STAT4: variants seen among roughly 807,000 people sequenced by gnomAD.
STAT4 encodes the protein signal transducer and activator of transcription 4.
Under a neutral mutation model 110.5 loss-of-function variants are expected in STAT4, and 42 were observed. That is an observed-to-expected ratio of 0.38 (90% CI 0.30 to 0.49). The LOEUF (loss-of-function observed/expected upper bound fraction) is 0.49. STAT4 is among the 20% of genes least tolerant of loss of function. The pLI is 0.95. For synonymous variants in STAT4, 284 were observed against 302.2 expected (o/e 0.94, Z 0.63); for missense variants, 632 against 887.9 (o/e 0.71, Z 3.66).
At position 191,056,972 on chromosome 2, in the gene STAT4, G is replaced by A. The variant is rs950152023; in HGVS notation, c.1206+1046C>T. The stretch of plus-strand genomic sequence containing the variant: ...TACTATTTGTATTTTTAGTAGAGAC[G>A]AGGTTTCACCATGTTGGCCAGGCTG... On this transcript the variant is annotated intron_variant, in intron 13 of 23. Coordinates refer to ENST00000392320, the MANE Select transcript of STAT4 (RefSeq NM_003151.4). Among the ~76,000 whole-genome samples, 3 of 151,922 alleles carry A rather than the reference G, an allele frequency of 2.0e-5. No homozygotes were observed. The East Asian group carries it at 5.8e-4, about 29-fold the overall frequency.
At chr2:191,131,305 A>G (rs1329906918) in intron 3 of STAT4, among the ~76,000 whole-genome samples, 3 of 151,864 alleles carry the variant, frequency 2.0e-5, no homozygotes, top group Non-Finnish European at 2.9e-5. Context: ...AAAGAAATAC[A>G]GGAAATAACG....
chr2:191,054,891 C>T (rs1295506512), intron 13 of STAT4, among the ~76,000 whole-genome samples: 1 of 152,066 alleles, frequency 6.6e-6, no homozygotes, highest in Non-Finnish European at 1.5e-5. Context: ...ATTCCCAATC[C>T]CTGAGAAACC....
Position 191,057,931 on chromosome 2 carries a change from C to A in STAT4, c.1206+87G>T, listed in dbSNP as rs990224182. ...ATTTCAAATAAGAAATATTTAAGCA[C>A]AAAACATACTGAATTATAAGGCGTA... On this transcript the variant is annotated intron_variant, in intron 13 of 23. Transcript: ENST00000392320. The A allele has an allele frequency of 9.3e-6, 11 of 1,188,230 alleles. No individual in the cohort carries two copies. In the Admixed American group the frequency reaches 2.1e-4, roughly 23 times the overall value. The allele number at this position is 1,188,230 out of a possible 1,614,324, so 73.6% of individuals were successfully genotyped here.
chr2:191,044,490 T>C (rs1696291467), intron 14 of STAT4, among the ~76,000 whole-genome samples: 2 of 152,172 alleles, frequency 1.3e-5, no homozygotes, highest in African/African-American at 4.8e-5. Context: ...CTCTGGAAAT[T>C]TGGCTCCCTA....
rs1166943093 is a variant in STAT4 at position 191,142,599 on chromosome 2, G to C, written c.273+4014C>G. 1.3e-5 allele frequency among the ~76,000 whole-genome samples: 2 copies of C among 152,150 alleles called. No homozygotes were observed. The highest frequency in any genetic ancestry group is 2.9e-5 in the Non-Finnish European group (2 of 68,024). ...AATGTATATTTCAGAGTAGCTAGAA[G>C]AATGGGTTTGAAATGTTTCCAACAT... On this transcript the variant is annotated intron_variant, in intron 3 of 23. Coordinates refer to ENST00000392320, the MANE Select transcript of STAT4 (RefSeq NM_003151.4). The surrounding 1 kb of genome is among the most constrained non-coding windows in gnomAD (Gnocchi z 4.1).
intron 4 of STAT4, among the ~76,000 whole-genome samples, chr2:191,073,831 G>A (rs1332399668): frequency 6.6e-6 from 1 of 152,126 alleles, no homozygotes; most frequent in Non-Finnish European, 1.5e-5. Flanking sequence ...GTAAACTCAA[G>A]TACATGTGAC....
At position 191,042,996 on chromosome 2, in the gene STAT4, C is replaced by A. The variant is rs1342073688; in HGVS notation, c.1252-1848G>T. On this transcript the variant is annotated intron_variant, in intron 14 of 23. Coordinates refer to ENST00000392320, the MANE Select transcript of STAT4 (RefSeq NM_003151.4). The surrounding 1 kb of genome is among the most constrained non-coding windows in gnomAD (Gnocchi z 4.2). ...GTTTCTCCATGTTGGTCAAGCTGGG[C>A]TCGAACTCCCGACCTCAGGTGATCC... 1.3e-5 allele frequency among the ~76,000 whole-genome samples: 2 copies of A among 152,186 alleles called. No homozygotes were observed. Among genetic ancestry groups the A allele is most frequent in the Non-Finnish European group, 2.9e-5 (2 of 68,040 alleles).
Position 191,053,505 on chromosome 2 carries a change from T to A in STAT4, c.1251+985A>T, listed in dbSNP as rs1696590972. Among the ~76,000 whole-genome samples the A allele has an allele frequency of 6.6e-6, 1 of 152,212 alleles. No individual in the cohort carries two copies. The highest frequency in any genetic ancestry group is 1.5e-5 in the Non-Finnish European group (1 of 68,038). On this transcript the variant is annotated intron_variant, in intron 14 of 23. Coordinates refer to ENST00000392320, the MANE Select transcript of STAT4 (RefSeq NM_003151.4). The surrounding 1 kb of genome is among the most constrained non-coding windows in gnomAD (Gnocchi z 4.5). ...TCAATAGATGTTCTCCAAGGTCATGTCCAGTTCATGATTTGACTACTCTAT... is the reference window on the plus strand; with the variant it reads ...TCAATAGATGTTCTCCAAGGTCATGACCAGTTCATGATTTGACTACTCTAT...
intron 3 of STAT4, among the ~76,000 whole-genome samples, chr2:191,137,030 A>T (rs74607674): frequency 0.56 from 85,113 of 151,386 alleles, 24,778 homozygotes; most frequent in Admixed American, 0.64. Flanking sequence ...AAGGAAAACT[A>T]CAAAACACTG....
intron 16 of STAT4, among the ~76,000 whole-genome samples, chr2:191,038,188 CA>C (rs1193683892): frequency 3.6e-5 from 4 of 112,130 alleles, no homozygotes; most frequent in African/African-American, 1.4e-4. Flanking sequence ...CATTTAATCT[CA>C]GGGGCATTGG....
In STAT4 at chr2:191,041,065, C is replaced by A; in HGVS notation, c.1335G>T (p.Glu445Asp). ...TAGTGTATGTTCTTGAAACACCTACCTCCAAATCTATGGTCAGGCCATAGA... is the reference window on the plus strand; with the variant it reads ...TAGTGTATGTTCTTGAAACACCTACATCCAAATCTATGGTCAGGCCATAGA... ...ICLYGLTIDL[E>D]TSSLPVVMIS... The change falls in exon 15 of 24, where the codon GAG becomes GAT. Residue 445 changes from glutamate to aspartate, a missense_variant and splice_region_variant. Glu to Asp is a conservative substitution (Grantham distance 45). Coordinates refer to ENST00000392320, the MANE Select transcript of STAT4 (RefSeq NM_003151.4). The A allele has an allele frequency of 6.9e-7, 1 of 1,445,794 alleles. No homozygotes were observed. Among genetic ancestry groups the A allele is most frequent in the Non-Finnish European group, 9.1e-7 (1 of 1,093,114 alleles). The allele number at this position is 1,445,794 out of a possible 1,614,324, so 89.6% of individuals were successfully genotyped here. A position where few individuals can be genotyped will look rare whatever the true frequency, so the allele number is the denominator to read the frequency against.
At chr2:191,132,309 G>A (rs993419081) in intron 3 of STAT4, among the ~76,000 whole-genome samples, 1 of 151,772 alleles carries the variant, frequency 6.6e-6, no homozygotes, top group African/African-American at 2.4e-5. Flanking sequence ...ACAAATAGTT[G>A]AGAGAAAGAA....
chr2:191,033,769 C>T lies in STAT4; in HGVS notation c.1715+142G>A. On this transcript the variant is annotated intron_variant, in intron 19 of 23. Coordinates refer to ENST00000392320, the MANE Select transcript of STAT4 (RefSeq NM_003151.4). This position sits in a 1 kb window ranked among gnomAD's most constrained non-coding sequence, Gnocchi z 6.9. ...CATATATAGATTAATATACATAGTG[C>T]CACTCCACAAAGAATAAGAAATTGC... is the stretch of plus-strand genomic sequence containing the variant. 9.0e-6 allele frequency: 12 copies of T among 1,329,512 alleles called. No homozygotes were observed. The highest frequency in any genetic ancestry group is 1.1e-5 in the Non-Finnish European group (11 of 971,950). 82.4% of individuals were successfully genotyped at this position (1,329,512 alleles called of 1,614,324 possible).
Position 191,142,224 on chromosome 2 carries a change from T to TAC in STAT4, c.273+4388_273+4389insGT, listed in dbSNP as rs1311134514. On this transcript the variant is annotated intron_variant, in intron 3 of 23. Transcript: ENST00000392320. The surrounding 1 kb of genome is among the most constrained non-coding windows in gnomAD (Gnocchi z 4.1). ...AGAAAATAAAGAAAATAGATATATA[T>TAC]ATATACACACACACACACATGCATA... 1.3e-5 allele frequency among the ~76,000 whole-genome samples: 2 copies of TAC among 150,758 alleles called. No homozygotes were observed. The highest frequency in any genetic ancestry group is 2.1e-4 in the South Asian group (1 of 4,818).
At chr2:191,045,651 A>C (rs1696329151) in intron 14 of STAT4, among the ~76,000 whole-genome samples, 2 of 152,212 alleles carry the variant, frequency 1.3e-5, no homozygotes, top group Non-Finnish European at 2.9e-5. Flanking sequence ...AAAACAGTCT[A>C]ATGTGATGAT....
intron 3 of STAT4, among the ~76,000 whole-genome samples, chr2:191,087,925 A>G (rs1697679871): frequency 6.6e-6 from 1 of 152,188 alleles, no homozygotes; most frequent in Non-Finnish European, 1.5e-5. Flanking sequence ...AAAAATCTAC[A>G]GGTAATATAC....
intron 8 of STAT4, among the ~76,000 whole-genome samples, chr2:191,064,318 C>A (rs530198530): frequency 6.6e-6 from 1 of 152,142 alleles, no homozygotes; most frequent in African/African-American, 2.4e-5. Context: ...TTCAAGTATA[C>A]AATAAATTGT....
In STAT4 at chr2:191,051,677, T is replaced by C. The variant is rs1392706457; in HGVS notation, c.1251+2813A>G. 2.0e-5 allele frequency among the ~76,000 whole-genome samples: 3 copies of C among 152,096 alleles called. No homozygotes were observed. Among genetic ancestry groups the C allele is most frequent in the Non-Finnish European group, 2.9e-5 (2 of 68,008 alleles). ...GGTGAGGTGCAGACACTCTGTGAGA[T>C]AGATGGGGTGAGGTGACGGGGCAGT... On this transcript the variant is annotated intron_variant, in intron 14 of 23. Coordinates refer to ENST00000392320, the MANE Select transcript of STAT4 (RefSeq NM_003151.4). This position sits in a 1 kb window ranked among gnomAD's most constrained non-coding sequence, Gnocchi z 5.6.
chr2:191,068,834 A>T (rs972743825), intron 6 of STAT4, among the ~76,000 whole-genome samples: 16 of 152,112 alleles, frequency 1.1e-4, no homozygotes, highest in African/African-American at 3.6e-4. Context: ...TAATTGCAAC[A>T]TACTTTAAAC....
Sources: allele counts gnomAD v4.1 joint callset (sites outside exome capture counted in the v4.1 genomes callset), GRCh38; gene constraint gnomAD v4.1.1; non-coding constraint Gnocchi (gnomAD v3.1); transcripts MANE v1.5; gene names NCBI Gene and HGNC (gene_info 2026-07-23, HGNC 2026-07-21).